NCKAP5: variants seen among roughly 807,000 people sequenced by gnomAD.
NCKAP5 encodes nck-associated protein 5.
Under a neutral mutation model 167.0 loss-of-function variants are expected in NCKAP5, and 92 were observed. The ratio of observed to expected loss-of-function variants is 0.55; its 90% CI spans 0.47 to 0.66. NCKAP5 has a LOEUF of 0.66. Ranked by LOEUF, NCKAP5 falls within the 30% of genes least tolerant of loss-of-function variation. The pLI, the probability that NCKAP5 is intolerant of heterozygous loss-of-function variation, is 0.00. For synonymous variants in NCKAP5, 891 were observed against 877.4 expected (o/e 1.02, Z -0.27); for missense variants, 2,378 against 2,315.0 (o/e 1.03, Z -0.56).
intron 6 of NCKAP5, among the ~76,000 whole-genome samples, chr2:133,042,280 A>G (rs1375904308): frequency 6.6e-6 from 1 of 152,124 alleles, no homozygotes; most frequent in Non-Finnish European, 1.5e-5. Flanking sequence ...AAGTCTGGCA[A>G]GTGGAGTGGG....
In NCKAP5 at chr2:132,728,793, C is replaced by G. The variant is rs147998091; in HGVS notation, c.5580+23G>C. 5,254 of 1,612,562 alleles carry G rather than the reference C, an allele frequency of 3.3e-3. 11 individuals carry two copies. Among genetic ancestry groups the G allele is most frequent in the Non-Finnish European group, 4.3e-3 (5,039 of 1,179,484 alleles). On this transcript the variant is annotated intron_variant, in intron 18 of 19. Transcript: ENST00000409261. ...TCAGGACCAACAGGTGGATTGCACCCTTCACCTCCCCCGACCCCTCACCTG... is the reference window on the plus strand; with the variant it reads ...TCAGGACCAACAGGTGGATTGCACCGTTCACCTCCCCCGACCCCTCACCTG...
chr2:133,609,198 T>A, the NCKAP5 span, among the ~76,000 whole-genome samples: 1 of 152,334 alleles, frequency 6.6e-6, no homozygotes, highest in South Asian at 2.1e-4. Flanking sequence ...TAGCCTGCTT[T>A]GTGGGATTTT....
At chr2:133,505,490 C>T (rs1445280290) in intron 3 of NCKAP5, among the ~76,000 whole-genome samples, 2 of 152,150 alleles carry the variant, frequency 1.3e-5, no homozygotes, top group Admixed American at 1.3e-4. Context: ...CACATGTTTC[C>T]AGGGTAGAGA....
chr2:133,337,388 G>A (rs1007626441), intron 3 of NCKAP5, among the ~76,000 whole-genome samples: 5 of 152,198 alleles, frequency 3.3e-5, no homozygotes, highest in Non-Finnish European at 7.3e-5. Context: ...CTGCATTAAT[G>A]CTCTGCTAAA....
At chr2:133,612,061 T>C in the NCKAP5 span, among the ~76,000 whole-genome samples, 2 of 152,212 alleles carry the variant, frequency 1.3e-5, no homozygotes, top group Non-Finnish European at 2.9e-5. Flanking sequence ...TTGCTTTTCA[T>C]GAATAGTTCA....
intron 6 of NCKAP5, among the ~76,000 whole-genome samples, chr2:133,040,327 C>T (rs1303195751): frequency 6.6e-6 from 1 of 152,028 alleles, no homozygotes; most frequent in Non-Finnish European, 1.5e-5. Context: ...TGGCGAAAAC[C>T]ACGAATACTT....
intron 3 of NCKAP5, among the ~76,000 whole-genome samples, chr2:133,416,050 T>G (rs988108397): frequency 6.6e-6 from 1 of 152,240 alleles, no homozygotes; most frequent in African/African-American, 2.4e-5. Flanking sequence ...TGTTTCTCTT[T>G]GTTACTGAGA....
intron 8 of NCKAP5, among the ~76,000 whole-genome samples, chr2:132,935,224 C>G (rs1315742845): frequency 6.6e-6 from 1 of 152,124 alleles, no homozygotes; most frequent in Non-Finnish European, 1.5e-5. Context: ...AGCCATTTAT[C>G]CACCTTGAAA....
At chr2:133,238,772 A>G (rs1374712107) in intron 4 of NCKAP5, among the ~76,000 whole-genome samples, 1 of 152,180 alleles carries the variant, frequency 6.6e-6, no homozygotes, top group South Asian at 2.1e-4. Context: ...GGTTTGAAAA[A>G]ACATTTCAAG....
chr2:133,043,786 T>C (rs1463855440), intron 6 of NCKAP5, among the ~76,000 whole-genome samples: 2 of 152,172 alleles, frequency 1.3e-5, no homozygotes, highest in Non-Finnish European at 2.9e-5. Flanking sequence ...AGAGACTTTG[T>C]TTCATACTTT....
rs546992753 is a variant in NCKAP5 at position 133,467,925 on chromosome 2, C to A, written c.69+49533G>T. Among the ~76,000 whole-genome samples the A allele has an allele frequency of 1.6e-5, 2 of 125,920 alleles. 1 individual carries two copies. Among genetic ancestry groups the A allele is most frequent in the South Asian group, 5.2e-4 (2 of 3,840 alleles). 82.6% of individuals were successfully genotyped at this position (125,920 alleles called of 152,430 possible). ...TTTTCTTCTTTATTAGTCTTGCTAG[C>A]GGTCTATCAATTTTGTTGATCCTTT... On this transcript the variant is annotated intron_variant, in intron 3 of 19. Transcript: ENST00000409261.
chr2:133,478,011 G>A (rs949848630), intron 3 of NCKAP5, among the ~76,000 whole-genome samples: 3 of 152,168 alleles, frequency 2.0e-5, no homozygotes, highest in Admixed American at 6.5e-5. Flanking sequence ...GCTGTGCTGA[G>A]ATTTATATGA....
chr2:133,617,485 C>T, the NCKAP5 span, among the ~76,000 whole-genome samples: 2 of 142,660 alleles, frequency 1.4e-5, no homozygotes, highest in Admixed American at 7.2e-5. Flanking sequence ...GTACAAAAAT[C>T]ACAAGCATTC....
chr2:133,262,471 A>G (rs546485968), intron 4 of NCKAP5, among the ~76,000 whole-genome samples: 66 of 152,348 alleles, frequency 4.3e-4, no homozygotes, highest in African/African-American at 1.5e-3. Flanking sequence ...CTAGGTACCG[A>G]CATGCTTCTT....
intron 3 of NCKAP5, among the ~76,000 whole-genome samples, chr2:133,515,351 A>C (rs1683895294): frequency 6.6e-6 from 1 of 152,330 alleles, no homozygotes; most frequent in African/African-American, 2.4e-5. Context: ...AAAGCATTTA[A>C]GCACCCCCCT....
chr2:133,388,000 A>G (rs1162969718), intron 3 of NCKAP5, among the ~76,000 whole-genome samples: 1 of 152,204 alleles, frequency 6.6e-6, no homozygotes, highest in African/African-American at 2.4e-5. Context: ...TTCCTCCTTT[A>G]GCTCAGAAAA....
chr2:133,139,039 G>A (rs2082901643), intron 5 of NCKAP5, among the ~76,000 whole-genome samples: 1 of 152,146 alleles, frequency 6.6e-6, no homozygotes. Flanking sequence ...GCCAGTAAAG[G>A]CATTGGCTCA....
At chr2:132,872,681 A>G (rs1690919731) in intron 9 of NCKAP5, among the ~76,000 whole-genome samples, 1 of 152,162 alleles carries the variant, frequency 6.6e-6, no homozygotes, top group African/African-American at 2.4e-5. Flanking sequence ...TTCATGAGCT[A>G]TTTCACCATG....
intron 8 of NCKAP5, among the ~76,000 whole-genome samples, chr2:132,895,254 C>T (rs1693079472): frequency 1.3e-5 from 2 of 151,190 alleles, no homozygotes; most frequent in Admixed American, 1.3e-4. Context: ...TAGCGTGAAC[C>T]CGGGAGGCGG....
Sources: gnomAD v4.1 joint callset for allele counts (sites outside exome capture counted in the v4.1 genomes callset) on GRCh38, gnomAD v4.1.1 for gene constraint, MANE v1.5 for transcripts, NCBI Gene and HGNC (gene_info 2026-07-23, HGNC 2026-07-21) for gene names.